Variants in TCF12 observed in about 807,000 individuals in gnomAD.
The protein encoded by TCF12 is DNA-binding protein HTF4.
In TCF12, 45 loss-of-function variants were observed where a neutral mutation model predicts 86.0. The ratio of observed to expected loss-of-function variants is 0.52; its 90% CI spans 0.41 to 0.67. The LOEUF is 0.67. Among genes scored for constraint, TCF12 ranks in the 30% least tolerant of loss-of-function variants. The pLI, the probability that TCF12 is intolerant of heterozygous loss-of-function variation, is 0.00. For synonymous variants in TCF12, 330 were observed against 299.6 expected (o/e 1.10, Z -1.05); for missense variants, 881 against 859.9 (o/e 1.02, Z -0.31).
chr15:57,266,924 G>A (rs4369592), intron 18 of TCF12, among the ~76,000 whole-genome samples: 59,346 of 152,106 alleles, frequency 0.39, 14,505 homozygotes, highest in Non-Finnish European at 0.54. Context: ...AGCTACTTGG[G>A]AGGGTAAGGC....
At chr15:57,027,321 T>C (rs2065880857) in intron 3 of TCF12, among the ~76,000 whole-genome samples, 1 of 152,312 alleles carries the variant, frequency 6.6e-6, no homozygotes, top group Non-Finnish European at 1.5e-5. Context: ...ATAATGAAAT[T>C]GTACAGGATA....
intron 6 of TCF12, among the ~76,000 whole-genome samples, chr15:57,179,947 G>C (rs1305305950): frequency 2.0e-5 from 3 of 152,094 alleles, no homozygotes; most frequent in Non-Finnish European, 4.4e-5. Context: ...AGTTGCTATT[G>C]ATTACTCATT....
At chr15:56,994,614 A>G (rs954612011) in intron 3 of TCF12, among the ~76,000 whole-genome samples, 3 of 152,104 alleles carry the variant, frequency 2.0e-5, no homozygotes, top group Non-Finnish European at 4.4e-5. Flanking sequence ...CAATGATTCT[A>G]ATGACTTCAG....
chr15:57,004,566 G>A (rs781580780), intron 3 of TCF12, among the ~76,000 whole-genome samples: 4 of 152,112 alleles, frequency 2.6e-5, no homozygotes, highest in African/African-American at 7.2e-5. Flanking sequence ...GTTCCACCAC[G>A]CCCGGCTAAT....
At chr15:57,019,110 C>A (rs372260097) in intron 3 of TCF12, among the ~76,000 whole-genome samples, 1 of 152,148 alleles carries the variant, frequency 6.6e-6, no homozygotes, top group Non-Finnish European at 1.5e-5. Flanking sequence ...AGGAATCAAC[C>A]TAACAAGAAA....
intron 3 of TCF12, among the ~76,000 whole-genome samples, chr15:57,041,119 C>A (rs893023882): frequency 1.8e-4 from 28 of 152,068 alleles, no homozygotes; most frequent in African/African-American, 6.0e-4. Context: ...TCAGGTACTT[C>A]TTCTACATTT....
intron 9 of TCF12, 87 bp from the exon 10 acceptor site, chr15:57,232,204 G>A: frequency 6.8e-7 from 1 of 1,473,018 alleles, no homozygotes; most frequent in Non-Finnish European, 9.4e-7. Flanking sequence ...AATATCTGGA[G>A]GGTACCCCTT....
intron 4 of TCF12, among the ~76,000 whole-genome samples, chr15:57,068,661 A>C (rs2069111650): frequency 6.6e-6 from 1 of 152,174 alleles, no homozygotes; most frequent in Non-Finnish European, 1.5e-5. Context: ...CATCAGATTT[A>C]CTAGATTAAC....
At chr15:56,964,303 T>C (rs1430781087) in intron 3 of TCF12, among the ~76,000 whole-genome samples, 1 of 152,238 alleles carries the variant, frequency 6.6e-6, no homozygotes, top group Non-Finnish European at 1.5e-5. Flanking sequence ...CATTACAAAT[T>C]ACTCAGCTTA....
At chr15:57,079,300 A>G (rs2070417232) in intron 4 of TCF12, among the ~76,000 whole-genome samples, 1 of 152,156 alleles carries the variant, frequency 6.6e-6, no homozygotes, top group African/African-American at 2.4e-5. Context: ...CTAGGTGAAG[A>G]TGCTGACTTG....
chr15:57,105,436 A>G (rs923744823), intron 5 of TCF12, among the ~76,000 whole-genome samples: 1 of 151,814 alleles, frequency 6.6e-6, no homozygotes, highest in Non-Finnish European at 1.5e-5. Flanking sequence ...TTTTAGACGG[A>G]GTCTCATTGT....
chr15:56,985,160 T>C (rs1472155541), intron 3 of TCF12, among the ~76,000 whole-genome samples: 2 of 152,206 alleles, frequency 1.3e-5, no homozygotes, highest in African/African-American at 4.8e-5. Context: ...TTCCTTCCAG[T>C]GCTTCTACAA....
At chr15:57,166,895 C>T (rs2054935462) in intron 6 of TCF12, among the ~76,000 whole-genome samples, 1 of 152,152 alleles carries the variant, frequency 6.6e-6, no homozygotes, top group African/African-American at 2.4e-5. Flanking sequence ...AGGCTTCACA[C>T]CCTCCCTGAC....
chr15:57,251,380 A>C lies in TCF12; in HGVS notation c.1145A>C (p.Gln382Pro). The C allele has an allele frequency of 6.2e-7, 1 of 1,613,980 alleles. No individual in the cohort carries two copies. Among genetic ancestry groups the C allele is most frequent in the Non-Finnish European group, 8.5e-7 (1 of 1,179,902 alleles). ...GTSQWPRPGG[Q>P]APSSPSYENS... ...AGTCAGTGGCCAAGACCTGGAGGGC[A>C]AGCACCTTCATCCCCAAGCTATGAA... Residue 382 changes from glutamine (Q) to proline (P), a missense_variant, in exon 14 of 21, where the codon CAA becomes CCA. This residue lies in a region of TCF12 where 766 missense variants were observed against 718.9 expected (regional missense o/e 1.07). Transcript: ENST00000333725.
At chr15:57,042,850 T>A (rs2066987315) in intron 3 of TCF12, among the ~76,000 whole-genome samples, 1 of 152,208 alleles carries the variant, frequency 6.6e-6, no homozygotes, top group Non-Finnish European at 1.5e-5. Context: ...GCACATTGTT[T>A]TACAGCAGAT....
chr15:57,061,460 T>A (rs2068453248), intron 3 of TCF12, among the ~76,000 whole-genome samples: 1 of 152,110 alleles, frequency 6.6e-6, no homozygotes, highest in Non-Finnish European at 1.5e-5. Context: ...AATGATTAGC[T>A]GAGCATTGTG....
rs1330193562 is a variant in TCF12, at chr15:57,232,310, T to C, written c.705T>C (p.Ser235=). The C allele has an allele frequency of 6.2e-7, 1 of 1,613,946 alleles. No homozygotes were observed. The highest frequency in any genetic ancestry group is 8.5e-7 in the Non-Finnish European group (1 of 1,179,932). The part of the protein sequence containing the change: ...FFMQDGTHNS[S]DLWSSSNGMS... ...TCTTAGATGGGACCCACAATTCTTC[T>C]GACCTTTGGAGTTCATCAAATGGGA... is the stretch of plus-strand genomic sequence containing the variant. Residue 235 remains serine, a synonymous_variant, in exon 10 of 21, where the codon TCT becomes TCC. Transcript: ENST00000333725.
At chr15:57,083,265 T>C (rs1283783153) in intron 4 of TCF12, among the ~76,000 whole-genome samples, 1 of 152,178 alleles carries the variant, frequency 6.6e-6, no homozygotes, top group Admixed American at 6.6e-5. Context: ...ATTATGTACA[T>C]TTTAATATGT....
intron 6 of TCF12, among the ~76,000 whole-genome samples, chr15:57,186,068 A>G (rs560678426): frequency 6.6e-6 from 1 of 152,364 alleles, no homozygotes; most frequent in South Asian, 2.1e-4. Flanking sequence ...TGCTAAAAAA[A>G]TTGAATAATC....
Sources: gnomAD v4.1 joint callset for allele counts (sites outside exome capture counted in the v4.1 genomes callset) on GRCh38, gnomAD v4.1.1 for gene constraint, gnomAD v4.1.1 regional missense constraint, MANE v1.5 for transcripts, NCBI Gene and HGNC (gene_info 2026-07-23, HGNC 2026-07-21) for gene names.